LPP: variants seen among roughly 807,000 people sequenced by gnomAD.
LPP encodes LIM domain containing preferred translocation partner in lipoma.
A neutral mutation model predicts 60.4 loss-of-function variants in LPP; 38 were observed. The ratio of observed to expected loss-of-function variants is 0.63; its 90% confidence interval spans 0.49 to 0.83. The LOEUF is 0.83. Among genes scored for constraint, LPP ranks in the 40% least tolerant of loss-of-function variants. LPP has a pLI of 0.00. For synonymous variants in LPP, 328 were observed against 290.8 expected (o/e 1.13, Z -1.30); for missense variants, 902 against 783.6 (o/e 1.15, Z -1.80).
At chr3:188,357,569 T>C (rs1767979939) in intron 3 of LPP, among the ~76,000 whole-genome samples, 1 of 151,944 alleles carries the variant, frequency 6.6e-6, no homozygotes, top group Non-Finnish European at 1.5e-5. Flanking sequence ...AGGCTGGAGG[T>C]TGGAGAGGGT....
At chr3:188,257,160 T>A (rs1182335570) in intron 2 of LPP, among the ~76,000 whole-genome samples, 1 of 152,236 alleles carries the variant, frequency 6.6e-6, no homozygotes, top group East Asian at 1.9e-4. Context: ...GTGCTAGAAC[T>A]GTCCCTGATG....
chr3:188,285,411 C>T (rs1743601210), intron 2 of LPP, among the ~76,000 whole-genome samples: 1 of 152,026 alleles, frequency 6.6e-6, no homozygotes, highest in Non-Finnish European at 1.5e-5. Context: ...AATGTAGAAT[C>T]TACTAACTCC....
intron 2 of LPP, among the ~76,000 whole-genome samples, chr3:188,281,998 C>T (rs1054656098): frequency 5.9e-5 from 9 of 152,060 alleles, no homozygotes; most frequent in Non-Finnish European, 7.4e-5. Context: ...TCACCTTGCC[C>T]TTTGGGAGAC....
intron 3 of LPP, among the ~76,000 whole-genome samples, chr3:188,364,893 A>G (rs4686481): frequency 0.73 from 111,103 of 152,014 alleles, 41,170 homozygotes; most frequent in East Asian, 0.93. Context: ...GAACAGAGGA[A>G]GAAGCCCTGG....
At chr3:188,246,619 T>C (rs1383059) in intron 2 of LPP, among the ~76,000 whole-genome samples, 74,733 of 151,968 alleles carry the variant, frequency 0.49, 18,923 homozygotes, top group Middle Eastern at 0.63. Context: ...ACATTTTCCC[T>C]GGAAAAGGGT....
chr3:188,869,405 C>G (rs549414187), intron 10 of LPP, among the ~76,000 whole-genome samples: 1 of 152,276 alleles, frequency 6.6e-6, no homozygotes, highest in Admixed American at 6.5e-5. Context: ...ATTCTCCTGC[C>G]TCAGCCTCCC....
At chr3:188,527,385 C>T (rs1161980063) in intron 6 of LPP, among the ~76,000 whole-genome samples, 1 of 146,906 alleles carries the variant, frequency 6.8e-6, no homozygotes, top group Non-Finnish European at 1.5e-5. Context: ...GAATATAAGT[C>T]TGGTAGTTTC....
chr3:188,490,785 C>T (rs1393124789), intron 5 of LPP, among the ~76,000 whole-genome samples: 7 of 114,108 alleles, frequency 6.1e-5, no homozygotes, highest in Non-Finnish European at 1.2e-4. Context: ...GACAGAGTCT[C>T]GCTCTGTTGT....
chr3:188,817,672 G>T (rs942959709), intron 9 of LPP, among the ~76,000 whole-genome samples: 2 of 152,118 alleles, frequency 1.3e-5, no homozygotes, highest in Non-Finnish European at 2.9e-5. Context: ...GAGGGCTGAG[G>T]GATGGAGAGG....
rs1397484597 is a variant in LPP at position 188,883,061 on chromosome 3, C to T, written c.*8582C>T. The stretch of plus-strand genomic sequence containing the variant: ...CATTATTCCTTGAGGTCTTACATTT[C>T]TTTCAGCACATTTTGTTCCAAGCTA... On this transcript the variant is annotated 3_prime_UTR_variant, in exon 12 of 12. Coordinates refer to ENST00000617246, the MANE Select transcript of LPP (RefSeq NM_001375462.1). 1 of 192,932 alleles carries T rather than the reference C, an allele frequency of 5.2e-6. No homozygotes were observed. Among genetic ancestry groups the T allele is most frequent in the Non-Finnish European group, 1.0e-5 (1 of 98,986 alleles). 12.0% of individuals were successfully genotyped at this position (192,932 alleles called of 1,614,324 possible).
chr3:188,325,734 A>G (rs1010291319), intron 2 of LPP, among the ~76,000 whole-genome samples: 4 of 152,138 alleles, frequency 2.6e-5, no homozygotes, highest in African/African-American at 4.8e-5. Flanking sequence ...ATTTCATTCT[A>G]TTTAGCTGAT....
At chr3:188,462,147 G>T (rs1799097581) in intron 4 of LPP, among the ~76,000 whole-genome samples, 2 of 151,980 alleles carry the variant, frequency 1.3e-5, no homozygotes, top group Non-Finnish European at 2.9e-5. Flanking sequence ...ACTAGTTATA[G>T]ATTTGGTACA....
At chr3:188,413,269 T>C (rs914435807) in intron 4 of LPP, among the ~76,000 whole-genome samples, 3 of 152,200 alleles carry the variant, frequency 2.0e-5, no homozygotes, top group Admixed American at 6.5e-5. Context: ...TGGAGTCTTA[T>C]TGTCCTTTTC....
chr3:188,464,646 A>G (rs2149466991), intron 4 of LPP, among the ~76,000 whole-genome samples: 1 of 152,330 alleles, frequency 6.6e-6, no homozygotes, highest in East Asian at 1.9e-4. Context: ...TTTCATGGAC[A>G]CTAATCAACA....
chr3:188,617,505 G>A (rs952460110), intron 7 of LPP, among the ~76,000 whole-genome samples: 5 of 152,228 alleles, frequency 3.3e-5, no homozygotes, highest in Admixed American at 3.3e-4. Flanking sequence ...AATAGAAAAT[G>A]GTTCCGATTC....
At chr3:188,395,344 G>A (rs967703570) in intron 3 of LPP, among the ~76,000 whole-genome samples, 3 of 151,936 alleles carry the variant, frequency 2.0e-5, no homozygotes, top group East Asian at 1.9e-4. Context: ...TCAGCCTCCC[G>A]AGTAGCTGGG....
At chr3:188,176,356 T>C (rs972878710) in intron 1 of LPP, among the ~76,000 whole-genome samples, 27 of 152,092 alleles carry the variant, frequency 1.8e-4, no homozygotes, top group Admixed American at 5.9e-4. Context: ...TTTTTGAAGA[T>C]GGGGAAATGA....
At chr3:188,508,714 G>A (rs1814296219) in intron 5 of LPP, among the ~76,000 whole-genome samples, 1 of 152,210 alleles carries the variant, frequency 6.6e-6, no homozygotes, top group African/African-American at 2.4e-5. Flanking sequence ...TGGCACTGCG[G>A]GTGAGAACAC....
intron 3 of LPP, among the ~76,000 whole-genome samples, chr3:188,367,681 T>C (rs1771630478): frequency 6.6e-6 from 1 of 152,210 alleles, no homozygotes; most frequent in Non-Finnish European, 1.5e-5. Flanking sequence ...CTCCATGAAA[T>C]ACTAGATTCA....
Sources: gnomAD v4.1 joint callset for allele counts (sites outside exome capture counted in the v4.1 genomes callset) on GRCh38, gnomAD v4.1.1 for gene constraint, MANE v1.5 for transcripts, NCBI Gene and HGNC (gene_info 2026-07-23, HGNC 2026-07-21) for gene names.